ZBTB38: variants seen among roughly 807,000 people sequenced by gnomAD.
ZBTB38 encodes the protein zinc finger and BTB domain containing 38, also known as zinc finger and BTB domain-containing protein 38.
Under a neutral mutation model 76.8 loss-of-function variants are expected in ZBTB38, and 20 were observed. The observed-to-expected ratio is 0.26, with a 90% CI of 0.18 to 0.38. The LOEUF is 0.38. ZBTB38 is among the 10% of genes least tolerant of loss of function. ZBTB38 has a pLI of 1.00. For synonymous variants in ZBTB38, 504 were observed against 544.2 expected, an observed-to-expected ratio of 0.93 and a Z score of 1.03; for missense variants, 1,082 against 1,482.3, an observed-to-expected ratio of 0.73 and a Z score of 4.43.
At chr3:141,373,998 C>T (rs957837228) in intron 2 of ZBTB38, among the ~76,000 whole-genome samples, 2 of 151,950 alleles carry the variant, frequency 1.3e-5, no homozygotes, top group African/African-American at 4.8e-5. Context: ...GGCTTGGTGG[C>T]ACATGCCTGT....
At chr3:141,404,716 A>C (rs1355540930) in intron 5 of ZBTB38, among the ~76,000 whole-genome samples, 2 of 152,194 alleles carry the variant, frequency 1.3e-5, no homozygotes, top group African/African-American at 4.8e-5. Context: ...TGAGGTGAGG[A>C]AGAATAGGCG....
chr3:141,369,180 C>T (rs1410864064), intron 1 of ZBTB38, among the ~76,000 whole-genome samples: 1 of 151,986 alleles, frequency 6.6e-6, no homozygotes, highest in Non-Finnish European at 1.5e-5. Context: ...TTATACTGAG[C>T]GATCAGACAT....
At chr3:141,435,365 A>T (rs2078522601) in intron 5 of ZBTB38, among the ~76,000 whole-genome samples, 2 of 152,222 alleles carry the variant, frequency 1.3e-5, no homozygotes, top group Non-Finnish European at 2.9e-5. Context: ...CTGTGCATAT[A>T]AAATGTATTT....
intron 1 of ZBTB38, among the ~76,000 whole-genome samples, chr3:141,343,515 T>C (rs1943257381): frequency 6.6e-6 from 1 of 152,132 alleles, no homozygotes; most frequent in Non-Finnish European, 1.5e-5. Flanking sequence ...CTCCCACAAA[T>C]TCTCAAAGAG....
At chr3:141,391,922 G>T (rs569212007) in intron 4 of ZBTB38, among the ~76,000 whole-genome samples, 4 of 151,928 alleles carry the variant, frequency 2.6e-5, no homozygotes, top group African/African-American at 7.2e-5. Context: ...AACTAGTGAG[G>T]TTTTTTTTCC....
intron 4 of ZBTB38, among the ~76,000 whole-genome samples, chr3:141,399,640 G>A (rs1951256844): frequency 6.6e-6 from 1 of 152,172 alleles, no homozygotes; most frequent in East Asian, 1.9e-4. Flanking sequence ...AATTAACAGA[G>A]TGCTGCTAGT....
chr3:141,377,641 T>G (rs1000024639), intron 2 of ZBTB38, among the ~76,000 whole-genome samples: 1 of 152,246 alleles, frequency 6.6e-6, no homozygotes, highest in African/African-American at 2.4e-5. Flanking sequence ...GTTCACGCAA[T>G]AAACTTTACA....
intron 5 of ZBTB38, among the ~76,000 whole-genome samples, chr3:141,427,341 A>AT (rs1334356127): frequency 6.6e-6 from 1 of 152,204 alleles, no homozygotes; most frequent in Non-Finnish European, 1.5e-5. Flanking sequence ...TATGCTAAAA[A>AT]ATATATAACA....
chr3:141,358,868 A>AC (rs1943739496), intron 1 of ZBTB38, among the ~76,000 whole-genome samples: 1 of 152,312 alleles, frequency 6.6e-6, no homozygotes, highest in South Asian at 2.1e-4. Flanking sequence ...GCACAATACT[A>AC]CCACTAAAGG....
intron 5 of ZBTB38, among the ~76,000 whole-genome samples, chr3:141,423,359 G>A (rs577196872): frequency 2.0e-5 from 3 of 152,306 alleles, no homozygotes; most frequent in Non-Finnish European, 4.4e-5. Flanking sequence ...TTACGAGAGT[G>A]AAAAGCAATA....
chr3:141,416,672 G>A (rs1303049219), intron 5 of ZBTB38, among the ~76,000 whole-genome samples: 1 of 152,224 alleles, frequency 6.6e-6, no homozygotes. Flanking sequence ...GGTCTTCACA[G>A]ATGTAATTAA....
chr3:141,431,341 A>AAAAATATATAT, intron 5 of ZBTB38, among the ~76,000 whole-genome samples: 2 of 103,290 alleles, frequency 1.9e-5, no homozygotes, highest in African/African-American at 1.2e-4. Flanking sequence ...AAAAAAAAAA[A>AAAAATATATAT]ATATATATAT....
chr3:141,442,285 A>C lies in ZBTB38; in HGVS notation c.1-104A>C. The C allele has an allele frequency of 1.2e-6, 1 of 832,828 alleles. No homozygotes were observed. Among genetic ancestry groups the C allele is most frequent in the Non-Finnish European group, 1.9e-6 (1 of 528,022 alleles). 51.6% of individuals were successfully genotyped at this position (832,828 alleles called of 1,614,324 possible). On this transcript the variant is annotated intron_variant, in intron 5 of 5. Transcript: ENST00000321464. The surrounding 1 kb of genome is among the most constrained non-coding windows in gnomAD (Gnocchi z 6.4). ...TCAACAGAATGAGATAAAAACCTGA[A>C]GTTTCATACAAAAGAACAGTTTTTC...
Position 141,445,847 on chromosome 3 carries a change from T to G in ZBTB38, c.3459T>G (p.Ser1153Arg). ...HQKKHLFKSP[S>R]QQEKIGDVCH... ...AGAAACACTTATTCAAAAGCCCAAG[T>G]CAGCAGGAGAAAATAGGTGACGTGT... The change falls in exon 6 of 6, where the codon AGT becomes AGG. Residue 1153 changes from serine to arginine, a missense_variant. Physicochemically the swap from Ser to Arg is moderately radical, Grantham distance 110 (BLOSUM62 -1). Around this residue, in one of 8 missense-constraint regions of ZBTB38, gnomAD observed 54 missense variants for 57.9 expected, o/e 0.93. Coordinates refer to ENST00000321464, the MANE Select transcript of ZBTB38 (RefSeq NM_001376113.1). This position sits in a 1 kb window ranked among gnomAD's most constrained non-coding sequence, Gnocchi z 6.5. 3.7e-6 allele frequency: 6 copies of G among 1,613,966 alleles called. No individual in the cohort carries two copies. The highest frequency in any genetic ancestry group is 4.2e-6 in the Non-Finnish European group (5 of 1,180,040).
intron 4 of ZBTB38, among the ~76,000 whole-genome samples, chr3:141,393,854 T>A (rs936749493): frequency 1.3e-5 from 2 of 152,184 alleles, no homozygotes; most frequent in African/African-American, 4.8e-5. Flanking sequence ...CTGGGTGCTA[T>A]GATGTACTCT....
chr3:141,362,531 G>A (rs113732424), intron 1 of ZBTB38, among the ~76,000 whole-genome samples: 46 of 152,294 alleles, frequency 3.0e-4, no homozygotes, highest in African/African-American at 1.1e-3. Context: ...CACTTTACAT[G>A]AGTGATAGGA....
intron 5 of ZBTB38, among the ~76,000 whole-genome samples, chr3:141,420,381 A>G (rs539201776): frequency 6.6e-6 from 1 of 152,344 alleles, no homozygotes; most frequent in Non-Finnish European, 1.5e-5. Flanking sequence ...GATCAGTTCC[A>G]GGGAGCTTGA....
In ZBTB38 at chr3:141,444,673, A is replaced by G; in HGVS notation, c.2285A>G (p.Asp762Gly). The G allele has an allele frequency of 6.2e-7, 1 of 1,614,182 alleles. No homozygotes were observed. The highest frequency in any genetic ancestry group is 8.5e-7 in the Non-Finnish European group (1 of 1,180,024). Reference protein sequence around the residue: ...SLKDDSKPEPDKVGRFASRPK... With the variant: ...SLKDDSKPEPGKVGRFASRPK... ...AAAGATGACAGTAAGCCCGAGCCAGATAAAGTGGGTAGGTTTGCAAGCAGA... is the reference window on the plus strand; with the variant it reads ...AAAGATGACAGTAAGCCCGAGCCAGGTAAAGTGGGTAGGTTTGCAAGCAGA... The change falls in exon 6 of 6, where the codon GAT (aspartate) becomes GGT (glycine). Residue 762 changes from aspartate (D) to glycine (G), a missense_variant. By Grantham distance (94) the Asp-to-Gly change is moderately conservative. Around this residue, in one of 8 missense-constraint regions of ZBTB38, gnomAD observed 471 missense variants for 581.0 expected, o/e 0.81. Transcript: ENST00000321464. This position sits in a 1 kb window ranked among gnomAD's most constrained non-coding sequence, Gnocchi z 5.1.
intron 1 of ZBTB38, among the ~76,000 whole-genome samples, chr3:141,361,377 A>C (rs1943821644): frequency 6.6e-6 from 1 of 152,200 alleles, no homozygotes; most frequent in African/African-American, 2.4e-5. Flanking sequence ...TGGAAAATCT[A>C]GTTCTGTTCC....
Sources: gnomAD v4.1 joint callset for allele counts (sites outside exome capture counted in the v4.1 genomes callset) on GRCh38, gnomAD v4.1.1 for gene constraint, gnomAD v4.1.1 regional missense constraint, Gnocchi (gnomAD v3.1) non-coding constraint, MANE v1.5 for transcripts, NCBI Gene and HGNC (gene_info 2026-07-23, HGNC 2026-07-21) for gene names.